The following AP5M1 variants were observed in gnomAD, a reference collection of about 807,000 sequenced individuals.
AP5M1 encodes adaptor related protein complex 5 subunit mu 1.
In AP5M1, 44 loss-of-function variants were observed where a neutral mutation model predicts 52.3. That is an observed-to-expected ratio of 0.84 (90% CI 0.66 to 1.08). AP5M1 has a LOEUF of 1.08. AP5M1 is among the 50% of genes least tolerant of loss of function. The pLI is 0.00. For missense variants in AP5M1, 526 were observed against 568.4 expected, an observed-to-expected ratio of 0.93 and a Z score of 0.76; for synonymous variants, 213 against 199.0, an observed-to-expected ratio of 1.07 and a Z score of -0.59.
rs560466252 is a variant in AP5M1 at position 57,289,647 on chromosome 14, G to A, written c.*763G>A. On this transcript the variant is annotated 3_prime_UTR_variant, in exon 8 of 8. Coordinates refer to ENST00000261558, the MANE Select transcript of AP5M1 (RefSeq NM_018229.4). The stretch of plus-strand genomic sequence containing the variant: ...AGAATACCTTCAGAAGATGATCATA[G>A]TGTTTTGTAATCATTTAATGTCTGC... 34 of 152,086 alleles carry A rather than the reference G, an allele frequency of 2.2e-4. No homozygotes were observed. The South Asian group carries it at 7.0e-3, about 32-fold the overall frequency. 9.4% of individuals were successfully genotyped at this position (152,086 alleles called of 1,614,324 possible). A position where few individuals can be genotyped will look rare whatever the true frequency, so the allele number is the denominator to read the frequency against.
chr14:57,269,223 T>C lies in AP5M1; in HGVS notation c.-92T>C. 3 of 1,244,354 alleles carry C rather than the reference T, an allele frequency of 2.4e-6. No homozygotes were observed. The highest frequency in any genetic ancestry group is 2.5e-5 in the South Asian group (2 of 79,032). 77.1% of individuals were successfully genotyped at this position (1,244,354 alleles called of 1,614,324 possible). A position where few individuals can be genotyped will look rare whatever the true frequency, so the allele number is the denominator to read the frequency against. ...GCGGCGCAGGATGAGCCTCAGGGCT[T>C]CTGTTAAGAGTCTGTCTGAGAAAGC... On this transcript the variant is annotated 5_prime_UTR_variant, in exon 1 of 8. Coordinates refer to ENST00000261558, the MANE Select transcript of AP5M1 (RefSeq NM_018229.4).
In AP5M1 at chr14:57,286,210, C is replaced by G; in HGVS notation, c.1294-13C>G. 3.9e-6 allele frequency: 6 copies of G among 1,542,380 alleles called. No individual in the cohort carries two copies. The highest frequency in any genetic ancestry group is 5.4e-6 in the Non-Finnish European group (6 of 1,117,378). On this transcript the variant is annotated splice_polypyrimidine_tract_variant and intron_variant, in intron 6 of 7. Coordinates refer to ENST00000261558, the MANE Select transcript of AP5M1 (RefSeq NM_018229.4). ...AATCACCTTAATTTGGTACATTTCT[C>G]TCTTCTTTCTAGCTTCATTTTAGGA...
chr14:57,286,462 A>G (rs1382517253), intron 7 of AP5M1, 143 bp downstream of exon 7: 3 of 618,850 alleles, frequency 4.8e-6, no homozygotes, highest in South Asian at 1.9e-5. Context: ...TCTACCCCAC[A>G]TAACAGTTTG....
intron 5 of AP5M1, 23 bp from the exon 6 acceptor site, chr14:57,283,089 T>G (rs367548513): frequency 6.9e-6 from 11 of 1,588,538 alleles, no homozygotes; most frequent in Admixed American, 3.5e-5. Context: ...TTAGAATTGT[T>G]TATTGGTATA....
chr14:57,284,390 G>C lies in AP5M1; in HGVS notation c.1293+1160G>C, dbSNP rs149124140. Among the ~76,000 whole-genome samples, 316 of 152,276 alleles carry C rather than the reference G, an allele frequency of 2.1e-3. 2 individuals are homozygous for C. Among genetic ancestry groups the C allele is most frequent in the African/African-American group, 7.2e-3 (301 of 41,568 alleles). On this transcript the variant is annotated intron_variant, in intron 6 of 7. Coordinates refer to ENST00000261558, the MANE Select transcript of AP5M1 (RefSeq NM_018229.4). ...TTTGGTTGATGGTGTACTTTTTAAA[G>C]TAGGGGATAGTCTTTCACAAGTGAT...
intron 6 of AP5M1, among the ~76,000 whole-genome samples, chr14:57,283,965 C>T (rs899829383): frequency 6.6e-6 from 1 of 152,010 alleles, no homozygotes; most frequent in African/African-American, 2.4e-5. Context: ...CCAGCCTGGG[C>T]GATAGAGTAA....
Position 57,283,135 on chromosome 14 carries a change from G to C in AP5M1, c.1198G>C (p.Glu400Gln). ...AGGCCAGAAGTTCCCAAAATCAATG[G>C]AAATTAGTCTTTCTGGAACTGTAAC... Reference protein sequence around the residue: ...IIGQKFPKSMEISLSGTVTFG... With the variant: ...IIGQKFPKSMQISLSGTVTFG... The change falls in exon 6 of 8, where the codon GAA becomes CAA. Residue 400 changes from glutamate to glutamine, a missense_variant. By Grantham distance (29) the Glu-to-Gln change is conservative. Transcript: ENST00000261558. The C allele has an allele frequency of 6.2e-7, 1 of 1,612,810 alleles. No homozygotes were observed.
chr14:57,274,932 A>C, intron 2 of AP5M1, 43 bp downstream of exon 2: 4 of 1,604,232 alleles, frequency 2.5e-6, no homozygotes, highest in Non-Finnish European at 3.4e-6. Context: ...TTTATTTAAC[A>C]TATGGAGAAA....
intron 7 of AP5M1, among the ~76,000 whole-genome samples, chr14:57,288,293 A>C (rs993280118): frequency 1.3e-5 from 2 of 151,958 alleles, no homozygotes; most frequent in African/African-American, 4.8e-5. Flanking sequence ...ATTTTTGTAG[A>C]GTTTCAAAGC....
chr14:57,280,222 G>A lies in AP5M1; in HGVS notation c.748G>A (p.Val250Ile). The change falls in exon 3 of 8, where the codon GTT becomes ATT. Residue 250 changes from valine (V) to isoleucine (I), a missense_variant. Around this residue, in one of 3 missense-constraint regions of AP5M1, gnomAD observed 425 missense variants for 430.6 expected, o/e 0.99. Coordinates refer to ENST00000261558, the MANE Select transcript of AP5M1 (RefSeq NM_018229.4). ...KCDLEGIMPNVTISLSLPTNG... is the reference protein window; with the variant it reads ...KCDLEGIMPNITISLSLPTNG... The stretch of plus-strand genomic sequence containing the variant: ...TGATTTGGAAGGAATCATGCCAAAT[G>A]TTACCATCAGCTTGAGTCTCCCCAC... The A allele has an allele frequency of 6.2e-7, 1 of 1,613,966 alleles. No homozygotes were observed.
At position 57,297,004 on chromosome 14, in the gene AP5M1, C is replaced by T. The variant is rs938638372; in HGVS notation, c.*8120C>T. ...TTCCCCAGCCAGTTAAAGGGCACACCGTGGGGGCAGCATATCTCCATGGGT... is the reference window on the plus strand; with the variant it reads ...TTCCCCAGCCAGTTAAAGGGCACACTGTGGGGGCAGCATATCTCCATGGGT... On this transcript the variant is annotated 3_prime_UTR_variant, in exon 8 of 8. Transcript: ENST00000261558. The T allele has an allele frequency of 1.3e-5, 2 of 151,908 alleles. No homozygotes were observed. The highest frequency in any genetic ancestry group is 6.6e-5 in the Admixed American group (1 of 15,212). The allele number at this position is 151,908 out of a possible 1,614,324, so 9.4% of individuals were successfully genotyped here.
At chr14:57,273,303 TAAA>T (rs1884939372) in intron 1 of AP5M1, among the ~76,000 whole-genome samples, 2 of 152,180 alleles carry the variant, frequency 1.3e-5, no homozygotes, top group South Asian at 4.1e-4. Context: ...TATTTTTTAA[TAAA>T]AAACTGTTTT....
At chr14:57,278,254 C>T (rs1885086791) in intron 2 of AP5M1, among the ~76,000 whole-genome samples, 3 of 152,168 alleles carry the variant, frequency 2.0e-5, no homozygotes, top group Admixed American at 2.0e-4. Flanking sequence ...GTCTTTGATC[C>T]TCTAGCCGTA....
chr14:57,273,001 G>A (rs937164923), intron 1 of AP5M1, among the ~76,000 whole-genome samples: 4 of 151,672 alleles, frequency 2.6e-5, no homozygotes, highest in Non-Finnish European at 5.9e-5. Context: ...ATCTCGGCTC[G>A]GCTCGGCTCG....
intron 2 of AP5M1, chr14:57,275,344 T>G (rs559046669): frequency 2.2e-5 from 4 of 183,016 alleles, no homozygotes; most frequent in African/African-American, 7.5e-5. Context: ...AACTGGCTGC[T>G]TAAGTGTCCT....
At position 57,274,616 on chromosome 14, in the gene AP5M1, C is replaced by T. The variant is rs1484166445; in HGVS notation, c.447C>T (p.Asp149=). 2 of 1,614,154 alleles carry T rather than the reference C, an allele frequency of 1.2e-6. No homozygotes were observed. The highest frequency in any genetic ancestry group is 1.7e-5 in the Admixed American group (1 of 60,016). ...TTCTTTATTCAGGTCAAAAAAATGA[C>T]TCTGAGCTGAATACAAAATTGAGCC... The part of the protein sequence containing the change: ...QDFLYSGQKN[D]SELNTKLSQL... The change falls in exon 2 of 8, where the codon GAC becomes GAT. Residue 149 remains aspartate, a synonymous_variant. Transcript: ENST00000261558.
chr14:57,276,188 TAA>T (rs894232672), intron 2 of AP5M1, among the ~76,000 whole-genome samples: 6 of 152,214 alleles, frequency 3.9e-5, no homozygotes, highest in Admixed American at 2.0e-4. Context: ...ATAACTATTG[TAA>T]ATGGCTCCAA....
intron 1 of AP5M1, among the ~76,000 whole-genome samples, chr14:57,272,966 G>A (rs1884929566): frequency 6.6e-6 from 1 of 151,932 alleles, no homozygotes; most frequent in Non-Finnish European, 1.5e-5. Flanking sequence ...TCACTCTGTT[G>A]CCCAGGGTGG....
In AP5M1 at chr14:57,295,971, G is replaced by T. The variant is rs17093067; in HGVS notation, c.*7087G>T. On this transcript the variant is annotated 3_prime_UTR_variant, in exon 8 of 8. Coordinates refer to ENST00000261558, the MANE Select transcript of AP5M1 (RefSeq NM_018229.4). ...AGCTACAGTTATTTTGAACTACCTC[G>T]TAAAGACTACATTGAGAATGAAAAA... 1.3e-5 allele frequency: 2 copies of T among 151,808 alleles called. No homozygotes were observed. The highest frequency in any genetic ancestry group is 2.4e-5 in the African/African-American group (1 of 41,348). 9.4% of individuals were successfully genotyped at this position (151,808 alleles called of 1,614,324 possible).
Sources: gnomAD v4.1 joint callset for allele counts (sites outside exome capture counted in the v4.1 genomes callset) on GRCh38, gnomAD v4.1.1 for gene constraint, gnomAD v4.1.1 regional missense constraint, MANE v1.5 for transcripts, NCBI Gene and HGNC (gene_info 2026-07-23, HGNC 2026-07-21) for gene names.